DNM3: variants seen among roughly 807,000 people sequenced by gnomAD.
DNM3 encodes dynamin 3.
Under a neutral mutation model 101.6 loss-of-function variants are expected in DNM3, and 47 were observed. The ratio of observed to expected loss-of-function variants is 0.46; its 90% CI spans 0.37 to 0.59. The LOEUF (loss-of-function observed/expected upper bound fraction) is 0.59, where lower values mean the gene tolerates loss of function less well. Among genes scored for constraint, DNM3 ranks in the 20% least tolerant of loss-of-function variants. DNM3 has a pLI of 0.00. For synonymous variants in DNM3, 385 were observed against 387.9 expected, an observed-to-expected ratio of 0.99 and a Z score of 0.09; for missense variants, 849 against 1,085.7, an observed-to-expected ratio of 0.78 and a Z score of 3.06.
chr1:172,274,723 GT>G (rs375210621), intron 15 of DNM3, among the ~76,000 whole-genome samples: 181 of 117,000 alleles, frequency 1.5e-3, no homozygotes, highest in African/African-American at 4.8e-3. Flanking sequence ...TCTAGTGAAG[GT>G]TTTTTTTTTT....
Position 172,306,545 on chromosome 1 carries a change from G to A in DNM3, c.1770-2183G>A, listed in dbSNP as rs144609462. On this transcript the variant is annotated intron_variant, in intron 15 of 20. Coordinates refer to ENST00000627582, the MANE Select transcript of DNM3 (RefSeq NM_015569.5). ...AAAAAACCACTTTAAAGTTCATATG[G>A]AACCAAAAAAGAGCCCGCATTGCCA... 4.4e-3 allele frequency among the ~76,000 whole-genome samples: 670 copies of A among 152,168 alleles called. 6 individuals carry two copies. Among genetic ancestry groups the A allele is most frequent in the South Asian group, 9.2e-3 (44 of 4,804 alleles).
intron 17 of DNM3, among the ~76,000 whole-genome samples, chr1:172,373,861 T>A (rs1184065894): frequency 6.6e-6 from 1 of 152,122 alleles, no homozygotes. Context: ...AGAATATTAG[T>A]AGTTATAGAA....
chr1:172,412,067 A>G lies in DNM3; in HGVS notation c.*4226A>G. 1.0e-6 allele frequency: 1 copy of G among 985,552 alleles called. No individual in the cohort carries two copies. 61.1% of individuals were successfully genotyped at this position (985,552 alleles called of 1,614,324 possible). On this transcript the variant is annotated 3_prime_UTR_variant, in exon 21 of 21. Coordinates refer to ENST00000627582, the MANE Select transcript of DNM3 (RefSeq NM_015569.5). ...TGTGTGTGTGTGTGTGTCTTTGTAT[A>G]TATGTAAGAATGTGTGTATGTGTGA...
chr1:172,042,121 C>T lies in DNM3; in HGVS notation c.1105C>T (p.Arg369Cys), dbSNP rs2049432044. The change falls in exon 8 of 21, where the codon CGC (arginine) becomes TGC (cysteine). Residue 369 changes from arginine (R) to cysteine (C), a missense_variant. By Grantham distance (180) the Arg-to-Cys change is radical (BLOSUM62 -3). This residue lies in a region of DNM3 where 388 missense variants were observed against 483.0 expected (regional missense o/e 0.80). Coordinates refer to ENST00000627582, the MANE Select transcript of DNM3 (RefSeq NM_015569.5). ...GAKINRIFHE[R>C]FPFEIVKMEF... ...TAAAATCAATCGTATTTTTCATGAA[C>T]GCTTTCCTTTTGAGATAGTAAAGGT... is the stretch of plus-strand genomic sequence containing the variant. 10 of 1,606,540 alleles carry T rather than the reference C, an allele frequency of 6.2e-6. No homozygotes were observed. Among genetic ancestry groups the T allele is most frequent in the Non-Finnish European group, 7.6e-6 (9 of 1,177,986 alleles).
At chr1:172,210,289 AG>A (rs1371772999) in intron 14 of DNM3, among the ~76,000 whole-genome samples, 1 of 146,426 alleles carries the variant, frequency 6.8e-6, no homozygotes, top group Non-Finnish European at 1.5e-5. Flanking sequence ...TCAAATATAT[AG>A]GTAATTAAGA....
chr1:172,152,088 T>A (rs1333270151), intron 14 of DNM3, among the ~76,000 whole-genome samples: 2 of 152,056 alleles, frequency 1.3e-5, no homozygotes, highest in East Asian at 1.9e-4. Flanking sequence ...CTCCCTGTGT[T>A]ACCCAGGCTG....
intron 15 of DNM3, among the ~76,000 whole-genome samples, chr1:172,273,448 C>G (rs562134243): frequency 6.6e-6 from 1 of 151,798 alleles, no homozygotes; most frequent in Non-Finnish European, 1.5e-5. Flanking sequence ...CATTGCAAAA[C>G]AAGACAAAAA....
chr1:172,355,184 A>G (rs149940374), intron 17 of DNM3, among the ~76,000 whole-genome samples: 1 of 152,166 alleles, frequency 6.6e-6, no homozygotes, highest in African/African-American at 2.4e-5. Flanking sequence ...CACACCCTCA[A>G]ATCAGATCTA....
At chr1:172,249,003 G>C (rs1355641846) in intron 14 of DNM3, among the ~76,000 whole-genome samples, 2 of 152,142 alleles carry the variant, frequency 1.3e-5, no homozygotes, top group Non-Finnish European at 2.9e-5. Flanking sequence ...AATTAAAGCT[G>C]TCATCAAACC....
rs184004580 is a variant in DNM3, at chr1:172,049,104, G to T, written c.1335+354G>T. On this transcript the variant is annotated intron_variant, in intron 10 of 20. Transcript: ENST00000627582. ...TTGTTAGAGAAGGAAATCACTGATA[G>T]TACATATATCAATAAGAAAATTCTT... Among the ~76,000 whole-genome samples, 11 of 152,300 alleles carry T rather than the reference G, an allele frequency of 7.2e-5. No homozygotes were observed. In the East Asian group the frequency reaches 1.4e-3, roughly 19 times the overall value.
intron 4 of DNM3, among the ~76,000 whole-genome samples, chr1:172,006,214 G>T (rs1009647218): frequency 2.0e-5 from 3 of 152,034 alleles, no homozygotes; most frequent in African/African-American, 7.2e-5. Context: ...AGTGAGGGAG[G>T]TTTCTTGATT....
chr1:172,192,415 G>A (rs956071426), intron 14 of DNM3, among the ~76,000 whole-genome samples: 1 of 147,412 alleles, frequency 6.8e-6, no homozygotes, highest in African/African-American at 2.5e-5. Context: ...TAGGGTACAT[G>A]TGCACATTGT....
chr1:172,365,170 TTAA>T (rs1424798379), intron 17 of DNM3, among the ~76,000 whole-genome samples: 1 of 151,958 alleles, frequency 6.6e-6, no homozygotes, highest in African/African-American at 2.4e-5. Flanking sequence ...TAAAAAATTA[TTAA>T]TGTTTTAGAT....
intron 1 of DNM3, among the ~76,000 whole-genome samples, chr1:171,859,761 A>G (rs2033983126): frequency 6.6e-6 from 1 of 152,194 alleles, no homozygotes; most frequent in African/African-American, 2.4e-5. Context: ...ATAGAACATG[A>G]CAGAGAGTGA....
At chr1:171,853,233 T>G (rs1461869188) in intron 1 of DNM3, among the ~76,000 whole-genome samples, 1 of 152,018 alleles carries the variant, frequency 6.6e-6, no homozygotes, top group Non-Finnish European at 1.5e-5. Flanking sequence ...GCATGAAAAC[T>G]GCTCACTGCA....
chr1:172,354,437 C>CTGCA (rs150529729), intron 17 of DNM3, among the ~76,000 whole-genome samples: 11,565 of 152,206 alleles, frequency 0.076, 489 homozygotes, highest in South Asian at 0.15. Flanking sequence ...CTTCCCAAGG[C>CTGCA]TGCACCCTGT....
chr1:172,238,565 G>A lies in DNM3; in HGVS notation c.1660-15008G>A, dbSNP rs2061627170. ...TAGGGGAATGAGACATGGGATAGGTGAGTTTTGTTATCTTCGTAAGTCAGC... is the reference window on the plus strand; with the variant it reads ...TAGGGGAATGAGACATGGGATAGGTAAGTTTTGTTATCTTCGTAAGTCAGC... On this transcript the variant is annotated intron_variant, in intron 14 of 20. Transcript: ENST00000627582. Among the ~76,000 whole-genome samples the A allele has an allele frequency of 2.0e-5, 3 of 152,262 alleles. No homozygotes were observed. The South Asian group carries it at 6.2e-4, about 32-fold the overall frequency.
intron 11 of DNM3, among the ~76,000 whole-genome samples, chr1:172,071,086 C>CATATATATATATATATATATATATAT (rs56255511): frequency 7.2e-4 from 47 of 65,076 alleles, no homozygotes; most frequent in East Asian, 1.4e-3. Context: ...CAAGACCCTG[C>CATATATATATATATATATATATATAT]ATATATATAT....
intron 14 of DNM3, among the ~76,000 whole-genome samples, chr1:172,239,800 CTTTT>C (rs71107343): frequency 9.2e-6 from 1 of 108,398 alleles, no homozygotes; most frequent in African/African-American, 3.8e-5. Context: ...TTTTTTTTCT[CTTTT>C]TTTTTTTTTT....
Sources: gnomAD v4.1 joint callset for allele counts (sites outside exome capture counted in the v4.1 genomes callset) on GRCh38, gnomAD v4.1.1 for gene constraint, gnomAD v4.1.1 regional missense constraint, MANE v1.5 for transcripts, NCBI Gene and HGNC (gene_info 2026-07-23, HGNC 2026-07-21) for gene names.